PLCB1: variants seen among roughly 807,000 people sequenced by gnomAD.
PLCB1 encodes the protein 1-phosphatidylinositol 4,5-bisphosphate phosphodiesterase beta-1.
A neutral mutation model predicts 161.8 loss-of-function variants in PLCB1; 46 were observed. The ratio of observed to expected loss-of-function variants is 0.28; its 90% CI spans 0.22 to 0.36. PLCB1 has a LOEUF of 0.36. Among genes scored for constraint, PLCB1 ranks in the 10% least tolerant of loss-of-function variants. The pLI, the probability that PLCB1 is intolerant of heterozygous loss-of-function variation, is 1.00. For synonymous variants in PLCB1, 517 were observed against 503.7 expected, an observed-to-expected ratio of 1.03 and a Z score of -0.35; for missense variants, 1,016 against 1,472.5, an observed-to-expected ratio of 0.69 and a Z score of 5.07.
intron 2 of PLCB1, among the ~76,000 whole-genome samples, chr20:8,189,435 A>G (rs998852715): frequency 2.0e-5 from 3 of 151,674 alleles, no homozygotes; most frequent in African/African-American, 7.3e-5. Flanking sequence ...TTCCTTTATT[A>G]GTATTAGGAA....
At chr20:8,670,704 G>T (rs2123360605) in intron 9 of PLCB1, among the ~76,000 whole-genome samples, 1 of 152,342 alleles carries the variant, frequency 6.6e-6, no homozygotes, top group South Asian at 2.1e-4. Flanking sequence ...TTCATGTAAT[G>T]TACAAAAGCA....
At chr20:8,789,786 GAGTCA>G (rs1048102119) in intron 30 of PLCB1, among the ~76,000 whole-genome samples, 5 of 152,208 alleles carry the variant, frequency 3.3e-5, no homozygotes, top group Non-Finnish European at 7.3e-5. Context: ...TCTAAAAATA[GAGTCA>G]AGTCATTTCC....
intron 3 of PLCB1, among the ~76,000 whole-genome samples, chr20:8,534,824 GGT>G (rs769573993): frequency 2.6e-5 from 4 of 152,124 alleles, no homozygotes; most frequent in Non-Finnish European, 5.9e-5. Flanking sequence ...CATCTTGACA[GGT>G]GTAGACACAG....
At chr20:8,539,754 CTCTTTCCTTCCT>C (rs1049627016) in intron 3 of PLCB1, among the ~76,000 whole-genome samples, 15 of 138,448 alleles carry the variant, frequency 1.1e-4, no homozygotes, top group East Asian at 2.1e-4. Context: ...TTTTTCTGTC[CTCTTTCCTTCCT>C]TCTTTCCTTC....
chr20:8,368,435 G>A (rs1387532688), intron 2 of PLCB1, among the ~76,000 whole-genome samples: 3 of 147,278 alleles, frequency 2.0e-5, no homozygotes, highest in African/African-American at 7.6e-5. Flanking sequence ...GCTGAGGCAC[G>A]AGAATCACTT....
chr20:8,523,427 T>A (rs1247110675), intron 3 of PLCB1, among the ~76,000 whole-genome samples: 1 of 132,750 alleles, frequency 7.5e-6, no homozygotes, highest in Non-Finnish European at 1.6e-5. Context: ...TGTGTGTGTG[T>A]GTATGGAGAG....
chr20:8,309,315 C>T lies in PLCB1; in HGVS notation c.178-62067C>T, dbSNP rs144540197. The stretch of plus-strand genomic sequence containing the variant: ...CACAGAGGGAAATCCTCCCTACCCC[C>T]GAATAATGCACAAGACCTTACTGGT... On this transcript the variant is annotated intron_variant, in intron 2 of 31. Transcript: ENST00000338037. Among the ~76,000 whole-genome samples the T allele has an allele frequency of 2.1e-3, 312 of 152,172 alleles. 1 individual carries two copies. Among genetic ancestry groups the T allele is most frequent in the Non-Finnish European group, 3.3e-3 (225 of 68,016 alleles).
chr20:8,582,337 G>T (rs887370771), intron 3 of PLCB1, among the ~76,000 whole-genome samples: 1 of 152,092 alleles, frequency 6.6e-6, no homozygotes, highest in South Asian at 2.1e-4. Context: ...GGGAGGTAAC[G>T]CCCTACACCC....
At chr20:8,542,003 A>G (rs959617442) in intron 3 of PLCB1, among the ~76,000 whole-genome samples, 3 of 152,212 alleles carry the variant, frequency 2.0e-5, no homozygotes, top group African/African-American at 7.2e-5. Flanking sequence ...CAGAATTTTG[A>G]ATAGACTGAA....
intron 3 of PLCB1, among the ~76,000 whole-genome samples, chr20:8,396,980 A>C (rs1234039897): frequency 6.6e-6 from 1 of 151,978 alleles, no homozygotes; most frequent in Non-Finnish European, 1.5e-5. Flanking sequence ...TCTCTTCTTC[A>C]TTTGGCGTTT....
rs551383674 is a variant in PLCB1, at chr20:8,488,530, G to A, written c.246+117080G>A. On this transcript the variant is annotated intron_variant, in intron 3 of 31. Transcript: ENST00000338037. ...ACATCAAACCCCTGAATATAACCAGGGCTGCCTCTTACTTAAAGACTCATG... is the reference window on the plus strand; with the variant it reads ...ACATCAAACCCCTGAATATAACCAGAGCTGCCTCTTACTTAAAGACTCATG... Among the ~76,000 whole-genome samples, 3 of 152,132 alleles carry A rather than the reference G, an allele frequency of 2.0e-5. No homozygotes were observed. In the East Asian group the frequency reaches 5.8e-4, roughly 29 times the overall value.
chr20:8,774,485 C>T, intron 26 of PLCB1, 54 bp from the exon 27 acceptor site: 1 of 1,481,724 alleles, frequency 6.7e-7, no homozygotes, highest in South Asian at 1.3e-5. Context: ...ATAACCTTCC[C>T]TCCACCTTGT....
At chr20:8,216,345 G>A (rs987916920) in intron 2 of PLCB1, among the ~76,000 whole-genome samples, 7 of 152,048 alleles carry the variant, frequency 4.6e-5, no homozygotes, top group African/African-American at 1.7e-4. Context: ...GGTCATTGTG[G>A]ATCTCAGACT....
At chr20:8,849,080 G>A (rs1465645854) in intron 31 of PLCB1, among the ~76,000 whole-genome samples, 1 of 152,120 alleles carries the variant, frequency 6.6e-6, no homozygotes, top group African/African-American at 2.4e-5. Flanking sequence ...GGGAAATTTA[G>A]GCTGACTGCA....
intron 3 of PLCB1, among the ~76,000 whole-genome samples, chr20:8,431,118 T>C (rs551522807): frequency 3.9e-5 from 6 of 152,110 alleles, no homozygotes; most frequent in Non-Finnish European, 8.8e-5. Flanking sequence ...ATTAACAAAC[T>C]TACATTGTCA....
intron 4 of PLCB1, among the ~76,000 whole-genome samples, chr20:8,629,205 T>C (rs1279188847): frequency 6.6e-6 from 1 of 152,016 alleles, no homozygotes; most frequent in Non-Finnish European, 1.5e-5. Context: ...ATATGTAGAC[T>C]AATGAAAAAC....
At chr20:8,828,967 ATAAAG>A (rs2146274523) in intron 31 of PLCB1, among the ~76,000 whole-genome samples, 1 of 152,250 alleles carries the variant, frequency 6.6e-6, no homozygotes, top group African/African-American at 2.4e-5. Flanking sequence ...AACACATATA[ATAAAG>A]TATTCTTATT....
chr20:8,185,143 G>A (rs2051889577), intron 2 of PLCB1, among the ~76,000 whole-genome samples: 1 of 152,164 alleles, frequency 6.6e-6, no homozygotes, highest in Admixed American at 6.5e-5. Flanking sequence ...TGTTAAGGCT[G>A]TGGGGAAACA....
At chr20:8,327,971 A>G (rs1057348541) in intron 2 of PLCB1, among the ~76,000 whole-genome samples, 1 of 152,176 alleles carries the variant, frequency 6.6e-6, no homozygotes, top group African/African-American at 2.4e-5. Flanking sequence ...ACATATATGC[A>G]CATATATAAA....
Sources: allele counts gnomAD v4.1 joint callset (sites outside exome capture counted in the v4.1 genomes callset), GRCh38; gene constraint gnomAD v4.1.1; transcripts MANE v1.5; gene names NCBI Gene and HGNC (gene_info 2026-07-23, HGNC 2026-07-21).